STX5: variants seen among roughly 807,000 people sequenced by gnomAD.
STX5 encodes syntaxin-5.
Under a neutral mutation model 42.9 loss-of-function variants are expected in STX5, and 15 were observed. The ratio of observed to expected loss-of-function variants is 0.35; its 90% confidence interval spans 0.23 to 0.54. The LOEUF (loss-of-function observed/expected upper bound fraction) is 0.54, where lower values mean the gene tolerates loss of function less well. STX5 is among the 20% of genes least tolerant of loss of function. The probability of loss-of-function intolerance (pLI) is 0.91; values close to 1 mark genes in which losing one functional copy is unlikely to be tolerated. For synonymous variants in STX5, 184 were observed against 173.2 expected, an observed-to-expected ratio of 1.06 and a Z score of -0.49; for missense variants, 430 against 455.0, an observed-to-expected ratio of 0.95 and a Z score of 0.50.
At position 62,827,803 on chromosome 11, in the gene STX5, T is replaced by C. The variant is rs574644899; in HGVS notation, c.226-172A>G. 4.6e-5 allele frequency among the ~76,000 whole-genome samples: 7 copies of C among 152,272 alleles called. No homozygotes were observed. In the East Asian group the frequency reaches 1.3e-3, roughly 29 times the overall value. On this transcript the variant is annotated intron_variant, in intron 2 of 10. Transcript: ENST00000294179. ...TCCAGATTTGAAGAGCAGGTAGACCTGAGTTCAAATCTTGACTCACCACTT... is the reference window on the plus strand; with the variant it reads ...TCCAGATTTGAAGAGCAGGTAGACCCGAGTTCAAATCTTGACTCACCACTT...
chr11:62,823,458 C>T (rs539961060), intron 10 of STX5, among the ~76,000 whole-genome samples: 4 of 151,918 alleles, frequency 2.6e-5, no homozygotes, highest in South Asian at 4.2e-4. Flanking sequence ...TGTAAGCCAC[C>T]GTACCCATCC....
chr11:62,813,137 G>T (rs2084636770), intron 10 of STX5, among the ~76,000 whole-genome samples: 1 of 151,446 alleles, frequency 6.6e-6, no homozygotes, highest in Non-Finnish European at 1.5e-5. Flanking sequence ...AGCCAGGCAT[G>T]GTGGTGCATG....
chr11:62,825,151 C>G (rs1349614679), intron 7 of STX5, 34 bp from the exon 8 acceptor site: 1 of 1,612,448 alleles, frequency 6.2e-7, no homozygotes, highest in East Asian at 2.2e-5. Context: ...GGACCTGAAG[C>G]CACTAGAAAG....
chr11:62,809,156 C>G (rs953320112), intron 10 of STX5, among the ~76,000 whole-genome samples: 1 of 151,650 alleles, frequency 6.6e-6, no homozygotes, highest in African/African-American at 2.4e-5. Flanking sequence ...GGCATGGTGG[C>G]GGGCACCTGT....
At chr11:62,810,103 C>CA (rs11405544) in intron 10 of STX5, among the ~76,000 whole-genome samples, 50,540 of 97,176 alleles carry the variant, frequency 0.52, 13,256 homozygotes, top group Non-Finnish European at 0.66. Context: ...GACTCCATCT[C>CA]AAAAAAAAAA....
intron 10 of STX5, among the ~76,000 whole-genome samples, chr11:62,818,303 TC>T (rs2084698255): frequency 2.0e-5 from 3 of 147,490 alleles, no homozygotes; most frequent in African/African-American, 2.5e-5. Context: ...ATGCCTGTGA[TC>T]CCAGCATTTT....
At position 62,824,571 on chromosome 11, in the gene STX5, G is replaced by A; in HGVS notation, c.680-6C>T. ...CAGAACCACAGCACCACCGCCTGGG[G>A]GAGAAAACAGGATGTGGCACACCTT... On this transcript the variant is annotated splice_polypyrimidine_tract_variant and splice_region_variant and intron_variant, in intron 8 of 10. Transcript: ENST00000294179. The A allele has an allele frequency of 1.2e-6, 2 of 1,613,762 alleles. No homozygotes were observed. Among genetic ancestry groups the A allele is most frequent in the Non-Finnish European group, 1.7e-6 (2 of 1,179,748 alleles).
At chr11:62,818,617 C>A (rs1254463649) in intron 10 of STX5, among the ~76,000 whole-genome samples, 2 of 140,460 alleles carry the variant, frequency 1.4e-5, no homozygotes, top group African/African-American at 2.8e-5. Context: ...ATTGGGAGGT[C>A]AAGGTGGGAA....
In STX5 at chr11:62,815,014, C is replaced by CT. The variant is rs147982165; in HGVS notation, c.909-7387dup. Among the ~76,000 whole-genome samples the CT allele has an allele frequency of 8.2e-3, 1,186 of 144,500 alleles. 12 individuals carry two copies. The highest frequency in any genetic ancestry group is 0.012 in the Non-Finnish European group (806 of 65,476). 94.8% of individuals were successfully genotyped at this position (144,500 alleles called of 152,430 possible). A position where few individuals can be genotyped will look rare whatever the true frequency, so the allele number is the denominator to read the frequency against. ...TCTAACAGATAGGATAACTGGGTGT[C>CT]TTTTTTTTTTTTGAGATGGAGTCTT... On this transcript the variant is annotated intron_variant, in intron 10 of 10. Coordinates refer to ENST00000294179, the MANE Select transcript of STX5 (RefSeq NM_003164.5).
intron 2 of STX5, among the ~76,000 whole-genome samples, chr11:62,827,853 G>A (rs1175714756): frequency 6.6e-6 from 1 of 151,972 alleles, no homozygotes; most frequent in African/African-American, 2.4e-5. Flanking sequence ...GATTTGGGGC[G>A]AGTTACTTAA....
chr11:62,827,720 T>C (rs2084812057), intron 2 of STX5, 89 bp from the exon 3 acceptor site: 1 of 1,342,588 alleles, frequency 7.4e-7, no homozygotes, highest in Middle Eastern at 1.9e-4. Flanking sequence ...CTAACCTATC[T>C]CTAGTGCTGG....
Position 62,831,117 on chromosome 11 carries a change from G to C in STX5, c.127C>G (p.Pro43Ala), listed in dbSNP as rs900388257. 6.4e-7 allele frequency: 1 copy of C among 1,554,708 alleles called. No homozygotes were observed. The highest frequency in any genetic ancestry group is 1.4e-5 in the African/African-American group (1 of 73,606). Residue 43 changes from proline to alanine, a missense_variant, in exon 2 of 11, where the codon CCC becomes GCC. By Grantham distance (27) the Pro-to-Ala change is conservative. Coordinates refer to ENST00000294179, the MANE Select transcript of STX5 (RefSeq NM_003164.5). ...SSSSDIAPLPPPVTLVPPPPD... is the reference protein window; with the variant it reads ...SSSSDIAPLPAPVTLVPPPPD... ...GGGGGAGGGACGAGGGTCACTGGGGGGGGCAGAGGGGCGATGTCGCTGCTG... is the reference window on the plus strand; with the variant it reads ...GGGGGAGGGACGAGGGTCACTGGGGCGGGCAGAGGGGCGATGTCGCTGCTG...
At position 62,831,085 on chromosome 11, in the gene STX5, G is replaced by A. The variant is rs917592129; in HGVS notation, c.159C>T (p.Asp53=). 10 of 1,555,932 alleles carry A rather than the reference G, an allele frequency of 6.4e-6. No homozygotes were observed. The African/African-American group carries it at 1.2e-4, about 19-fold the overall frequency. ...GGGTCCGATCCCGGCAGGACATGGT[G>A]TCGGGAGGGGGAGGGACGAGGGTCA... ...PPVTLVPPPP[D]TMSCRDRTQE... Residue 53 remains aspartate, a synonymous_variant, in exon 2 of 11, where the codon GAC becomes GAT. Coordinates refer to ENST00000294179, the MANE Select transcript of STX5 (RefSeq NM_003164.5).
At chr11:62,830,984 G>A (rs1317848369) in intron 2 of STX5, 35 bp downstream of exon 2, 2 of 1,520,024 alleles carry the variant, frequency 1.3e-6, no homozygotes, top group Admixed American at 2.0e-5. Flanking sequence ...TTTGAGTAAG[G>A]CTCACTCCTC....
chr11:62,813,512 T>C (rs1392028400), intron 10 of STX5, among the ~76,000 whole-genome samples: 1 of 152,210 alleles, frequency 6.6e-6, no homozygotes, highest in Non-Finnish European at 1.5e-5. Flanking sequence ...CTCCAAGTGT[T>C]TTCTTTTACC....
At chr11:62,808,823 A>G (rs2134801014) in intron 10 of STX5, among the ~76,000 whole-genome samples, 2 of 152,352 alleles carry the variant, frequency 1.3e-5, no homozygotes, top group East Asian at 3.9e-4. Flanking sequence ...CTACTAATGT[A>G]ATCATCGCAG....
At chr11:62,817,527 A>G (rs1466350008) in intron 10 of STX5, among the ~76,000 whole-genome samples, 1 of 152,226 alleles carries the variant, frequency 6.6e-6, no homozygotes, top group Admixed American at 6.5e-5. Context: ...CTTCATATCA[A>G]TAACATGTAC....
intron 2 of STX5, among the ~76,000 whole-genome samples, chr11:62,829,701 G>A (rs2084834648): frequency 6.6e-6 from 1 of 152,016 alleles, no homozygotes; most frequent in African/African-American, 2.4e-5. Flanking sequence ...GAGGTCAGAT[G>A]TTGCAGTGAG....
At chr11:62,818,402 CAAA>C (rs553124975) in intron 10 of STX5, among the ~76,000 whole-genome samples, 1 of 145,746 alleles carries the variant, frequency 6.9e-6, no homozygotes, top group Non-Finnish European at 1.5e-5. Flanking sequence ...ACTAAAAATA[CAAA>C]AAAAAAATTA....
Sources: gnomAD v4.1 joint callset for allele counts (sites outside exome capture counted in the v4.1 genomes callset) on GRCh38, gnomAD v4.1.1 for gene constraint, MANE v1.5 for transcripts, NCBI Gene and HGNC (gene_info 2026-07-23, HGNC 2026-07-21) for gene names.